RANBP2: variants seen among roughly 807,000 people sequenced by gnomAD.
RANBP2 encodes the protein RAN binding protein 2, also known as E3 SUMO-protein ligase RanBP2.
Under a neutral mutation model 303.6 loss-of-function variants are expected in RANBP2, and 57 were observed. That is an observed-to-expected ratio of 0.19 (90% CI 0.15 to 0.23). The LOEUF is 0.23. Among genes scored for constraint, RANBP2 ranks in the 10% least tolerant of loss-of-function variants. The pLI is 1.00. For synonymous variants in RANBP2, 1,167 were observed against 1,301.5 expected, an observed-to-expected ratio of 0.90 and a Z score of 2.23; for missense variants, 3,138 against 3,780.8, an observed-to-expected ratio of 0.83 and a Z score of 4.46.
chr2:109,168,601 T>A, the RANBP2 span, among the ~76,000 whole-genome samples: 2 of 152,220 alleles, frequency 1.3e-5, no homozygotes, highest in Admixed American at 6.5e-5. Context: ...GACTGACTGA[T>A]CTGGCCGTAG....
chr2:109,025,659 G>A, the RANBP2 span, among the ~76,000 whole-genome samples: 1 of 152,054 alleles, frequency 6.6e-6, no homozygotes, highest in Non-Finnish European at 1.5e-5. Context: ...TTAGCCGGTT[G>A]TGGTGGTGGG....
the RANBP2 span, among the ~76,000 whole-genome samples, chr2:109,724,883 G>A: frequency 5.3e-5 from 8 of 152,162 alleles, no homozygotes; most frequent in Admixed American, 6.5e-5. Flanking sequence ...AGGGGCAGTC[G>A]GGTCTGGGCA....
chr2:109,047,675 TG>T, the RANBP2 span, among the ~76,000 whole-genome samples: 2 of 152,192 alleles, frequency 1.3e-5, no homozygotes, highest in African/African-American at 4.8e-5. Context: ...CTGAGCGTGG[TG>T]GCAGGCACCT....
At chr2:109,337,219 G>A in the RANBP2 span, among the ~76,000 whole-genome samples, 32 of 152,150 alleles carry the variant, frequency 2.1e-4, no homozygotes, top group African/African-American at 7.5e-4. Context: ...ATTTGTAAAA[G>A]CCTTTGGACC....
chr2:109,047,310 A>C, the RANBP2 span, among the ~76,000 whole-genome samples: 3 of 152,210 alleles, frequency 2.0e-5, no homozygotes, highest in Admixed American at 2.0e-4. Context: ...CCTAGAGGTC[A>C]CAGGGGACTT....
At chr2:109,064,277 G>A in the RANBP2 span, among the ~76,000 whole-genome samples, 1 of 151,908 alleles carries the variant, frequency 6.6e-6, no homozygotes, top group Non-Finnish European at 1.5e-5. Context: ...AGACCACGGT[G>A]AAACCCCGTC....
the RANBP2 span, chr2:109,503,057 G>C: frequency 6.6e-6 from 1 of 152,144 alleles, no homozygotes; most frequent in Non-Finnish European, 1.5e-5. Context: ...ACCTCCCTGA[G>C]TGGGGCTGAT....
the RANBP2 span, among the ~76,000 whole-genome samples, chr2:108,842,261 ACT>A: frequency 6.6e-5 from 10 of 151,120 alleles, no homozygotes; most frequent in African/African-American, 2.4e-4. Context: ...CTGGTCTCTA[ACT>A]CTTGGCCTCA....
the RANBP2 span, among the ~76,000 whole-genome samples, chr2:109,181,528 A>C: frequency 5.3e-5 from 8 of 152,178 alleles, no homozygotes; most frequent in African/African-American, 9.7e-5. Context: ...AAAAGTACCC[A>C]AAAGTTTCTT....
chr2:108,726,895 A>T (rs1694759334), intron 1 of RANBP2, among the ~76,000 whole-genome samples: 1 of 152,134 alleles, frequency 6.6e-6, no homozygotes, highest in Non-Finnish European at 1.5e-5. Context: ...ACCGCCCTTA[A>T]TCCATTTAAC....
At chr2:108,873,194 A>G in the RANBP2 span, among the ~76,000 whole-genome samples, 1 of 152,130 alleles carries the variant, frequency 6.6e-6, no homozygotes, top group Non-Finnish European at 1.5e-5. Context: ...TCTTTCAAAC[A>G]TGGGATTTCT....
At chr2:109,235,216 C>T in the RANBP2 span, among the ~76,000 whole-genome samples, 3 of 152,166 alleles carry the variant, frequency 2.0e-5, no homozygotes, top group South Asian at 2.1e-4. Flanking sequence ...TTAAGGACAG[C>T]GAGCATGTAA....
chr2:109,729,124 A>ACTCC, the RANBP2 span, among the ~76,000 whole-genome samples: 1 of 152,108 alleles, frequency 6.6e-6, no homozygotes, highest in African/African-American at 2.4e-5. Flanking sequence ...CTGCCCTGGG[A>ACTCC]CTCCCAGTCC....
chr2:108,974,677 C>T, the RANBP2 span, among the ~76,000 whole-genome samples: 1 of 152,058 alleles, frequency 6.6e-6, no homozygotes, highest in Non-Finnish European at 1.5e-5. Context: ...TTTCAGTGAG[C>T]CGAGATAGCG....
chr2:109,004,929 A>G, the RANBP2 span, among the ~76,000 whole-genome samples: 2 of 151,956 alleles, frequency 1.3e-5, no homozygotes, highest in Non-Finnish European at 2.9e-5. Flanking sequence ...GAGAGTCTCT[A>G]TTGTCCACGC....
At chr2:109,737,502 A>T in the RANBP2 span, 1 of 591,076 alleles carries the variant, frequency 1.7e-6, no homozygotes, top group South Asian at 2.1e-5. Flanking sequence ...CTTCTCCACA[A>T]GCTTTCTCGC....
chr2:109,038,598 TAC>T, the RANBP2 span, among the ~76,000 whole-genome samples: 1 of 152,146 alleles, frequency 6.6e-6, no homozygotes, highest in Non-Finnish European at 1.5e-5. Context: ...AAAGGCAAGC[TAC>T]AGACTGAAAG....
the RANBP2 span, among the ~76,000 whole-genome samples, chr2:108,926,887 C>A: frequency 1.3e-5 from 2 of 152,236 alleles, no homozygotes; most frequent in Non-Finnish European, 2.9e-5. Flanking sequence ...GCTAGTCACA[C>A]CGGCCTGCCA....
chr2:108,856,716 A>T, the RANBP2 span: 3 of 1,339,696 alleles, frequency 2.2e-6, no homozygotes, highest in East Asian at 2.4e-5. Flanking sequence ...AAGTAACGAC[A>T]TTGCTTTTTT....
Sources: gnomAD v4.1 joint callset for allele counts (sites outside exome capture counted in the v4.1 genomes callset) on GRCh38, gnomAD v4.1.1 for gene constraint, MANE v1.5 for transcripts, NCBI Gene and HGNC (gene_info 2026-07-23, HGNC 2026-07-21) for gene names.